The following HMGA2 variants were observed in gnomAD, a reference collection of about 807,000 sequenced individuals.
The protein encoded by HMGA2 is high mobility group protein HMGI-C.
In HMGA2, 8 loss-of-function variants were observed where a neutral mutation model predicts 19.1. That is an observed-to-expected ratio of 0.42 (90% CI 0.25 to 0.76). HMGA2 has a LOEUF of 0.76. Ranked by LOEUF, HMGA2 falls within the 30% of genes least tolerant of loss-of-function variation. The probability of loss-of-function intolerance (pLI) is 0.28; values close to 1 mark genes in which losing one functional copy is unlikely to be tolerated. For synonymous variants in HMGA2, 60 were observed against 48.8 expected (o/e 1.23, Z -0.96); for missense variants, 109 against 136.3 (o/e 0.80, Z 1.00).
At chr12:65,950,751 C>T (rs1876429996) in intron 3 of HMGA2, among the ~76,000 whole-genome samples, 1 of 152,092 alleles carries the variant, frequency 6.6e-6, no homozygotes, top group Non-Finnish European at 1.5e-5. Context: ...AAAATATTAA[C>T]AAATTAGGTA....
At chr12:65,905,372 A>G (rs886119595) in intron 3 of HMGA2, among the ~76,000 whole-genome samples, 3 of 152,296 alleles carry the variant, frequency 2.0e-5, no homozygotes, top group African/African-American at 7.2e-5. Flanking sequence ...CGTGTTTATC[A>G]AGCTTCTTGT....
intron 3 of HMGA2, among the ~76,000 whole-genome samples, chr12:65,896,299 C>T (rs1477492047): frequency 1.3e-5 from 2 of 152,220 alleles, no homozygotes; most frequent in African/African-American, 2.4e-5. Flanking sequence ...CTGCATTCCT[C>T]TCTGGAGTAG....
At chr12:65,933,480 A>G (rs1875787503) in intron 3 of HMGA2, among the ~76,000 whole-genome samples, 2 of 152,216 alleles carry the variant, frequency 1.3e-5, no homozygotes, top group South Asian at 2.1e-4. Context: ...AACAATCACT[A>G]TAGTCTGCAA....
At chr12:65,924,974 C>T (rs1009820367) in intron 3 of HMGA2, among the ~76,000 whole-genome samples, 1 of 152,034 alleles carries the variant, frequency 6.6e-6, no homozygotes, top group African/African-American at 2.4e-5. Context: ...ACCATATGTT[C>T]TGAGGTAAAA....
intron 3 of HMGA2, among the ~76,000 whole-genome samples, chr12:65,912,737 G>T (rs559666581): frequency 6.6e-6 from 1 of 152,204 alleles, no homozygotes; most frequent in East Asian, 1.9e-4. Flanking sequence ...TGGATTTAAC[G>T]TCATGCCATA....
At chr12:65,832,492 A>G (rs1042846854) in intron 2 of HMGA2, among the ~76,000 whole-genome samples, 2 of 151,938 alleles carry the variant, frequency 1.3e-5, no homozygotes, top group Non-Finnish European at 2.9e-5. Flanking sequence ...TTGGTATTCT[A>G]TTGCATTTCA....
At chr12:65,884,148 G>A (rs1409773326) in intron 3 of HMGA2, among the ~76,000 whole-genome samples, 2 of 152,178 alleles carry the variant, frequency 1.3e-5, no homozygotes, top group Admixed American at 6.5e-5. Flanking sequence ...TTACAGGTGT[G>A]AGCCACCGTA....
In HMGA2 at chr12:65,897,359, T is replaced by A. The variant is rs570426882; in HGVS notation, c.250-54024T>A. Among the ~76,000 whole-genome samples the A allele has an allele frequency of 3.3e-5, 5 of 152,336 alleles. No individual in the cohort carries two copies. In the East Asian group the frequency reaches 9.6e-4, roughly 29 times the overall value. Reference sequence around the variant, plus strand: ...ACAGTACAAACTAGAGAACTTGTGATCATATTAACGGCATTATTTTTAAGT... The same window carrying A: ...ACAGTACAAACTAGAGAACTTGTGAACATATTAACGGCATTATTTTTAAGT... On this transcript the variant is annotated intron_variant, in intron 3 of 4. Transcript: ENST00000403681.
chr12:65,893,927 G>A (rs1874021941), intron 3 of HMGA2, among the ~76,000 whole-genome samples: 1 of 152,190 alleles, frequency 6.6e-6, no homozygotes, highest in Non-Finnish European at 1.5e-5. Context: ...GGCTGAAGAA[G>A]AGTGCTTGTG....
intron 3 of HMGA2, among the ~76,000 whole-genome samples, chr12:65,943,644 T>C (rs544133771): frequency 6.6e-6 from 1 of 152,280 alleles, no homozygotes; most frequent in South Asian, 2.1e-4. Context: ...TCTTCCACAA[T>C]ACCAAGCAGA....
chr12:65,951,503 C>A (rs1186379487), intron 4 of HMGA2, 88 bp downstream of exon 4: 8 of 855,436 alleles, frequency 9.4e-6, no homozygotes, highest in Non-Finnish European at 1.5e-5. Context: ...AACCTTATTT[C>A]GCATTTTCTT....
intron 3 of HMGA2, among the ~76,000 whole-genome samples, chr12:65,862,061 T>C (rs1373733544): frequency 6.6e-6 from 1 of 151,998 alleles, no homozygotes; most frequent in Non-Finnish European, 1.5e-5. Flanking sequence ...ATCAGGCTGG[T>C]CTTAGTCTTC....
At chr12:65,905,177 C>CT (rs1352419769) in intron 3 of HMGA2, among the ~76,000 whole-genome samples, 1 of 148,012 alleles carries the variant, frequency 6.8e-6, no homozygotes, top group Non-Finnish European at 1.5e-5. Context: ...AATGAATTGA[C>CT]TTTATCACAC....
rs1306293387 is a variant in HMGA2 at position 65,930,553 on chromosome 12, G to A, written c.250-20830G>A. On this transcript the variant is annotated intron_variant, in intron 3 of 4. Coordinates refer to ENST00000403681, the MANE Select transcript of HMGA2 (RefSeq NM_003483.6). ...GATATTTGGTGGGAAAATGGACACC[G>A]GCCTCTTTTGCTTTTTGTCTGCTGC... Among the ~76,000 whole-genome samples, 6 of 152,136 alleles carry A rather than the reference G, an allele frequency of 3.9e-5. No individual in the cohort carries two copies. The South Asian group carries it at 6.2e-4, about 16-fold the overall frequency.
intron 3 of HMGA2, among the ~76,000 whole-genome samples, chr12:65,916,308 A>T (rs1875099760): frequency 6.6e-6 from 1 of 152,234 alleles, no homozygotes; most frequent in Non-Finnish European, 1.5e-5. Flanking sequence ...AGGGATGAAG[A>T]TTAAGAAGTG....
At chr12:65,902,522 AC>A (rs1486655326) in intron 3 of HMGA2, among the ~76,000 whole-genome samples, 2 of 152,166 alleles carry the variant, frequency 1.3e-5, no homozygotes, top group African/African-American at 2.4e-5. Flanking sequence ...AAAGAAAACA[AC>A]CAAAAATTAT....
intron 4 of HMGA2, chr12:65,952,460 A>G (rs1876490860): frequency 6.5e-7 from 1 of 1,531,794 alleles, no homozygotes; most frequent in African/African-American, 1.4e-5. Context: ...AACACATGAA[A>G]GGATCCAAGG....
In HMGA2 at chr12:65,911,080, T is replaced by A. The variant is rs1271470492; in HGVS notation, c.250-40303T>A. Reference sequence around the variant, plus strand: ...ATATTAAGAAATAAGCCTTCAGATATGCAGAGGACATTTTCTAAGCTTAAA... The same window carrying A: ...ATATTAAGAAATAAGCCTTCAGATAAGCAGAGGACATTTTCTAAGCTTAAA... On this transcript the variant is annotated intron_variant, in intron 3 of 4. Coordinates refer to ENST00000403681, the MANE Select transcript of HMGA2 (RefSeq NM_003483.6). 6.6e-5 allele frequency among the ~76,000 whole-genome samples: 10 copies of A among 152,226 alleles called. 1 individual carries two copies. The highest frequency in any genetic ancestry group is 6.5e-4 in the Admixed American group (10 of 15,272).
intron 2 of HMGA2, among the ~76,000 whole-genome samples, chr12:65,837,347 C>T (rs1870777857): frequency 1.3e-5 from 2 of 152,142 alleles, no homozygotes; most frequent in Non-Finnish European, 1.5e-5. Context: ...TGTTTGTCAA[C>T]TATCATGTAA....
Sources: gnomAD v4.1 joint callset for allele counts (sites outside exome capture counted in the v4.1 genomes callset) on GRCh38, gnomAD v4.1.1 for gene constraint, MANE v1.5 for transcripts, NCBI Gene and HGNC (gene_info 2026-07-23, HGNC 2026-07-21) for gene names.